The following TRIM69 variants were observed in gnomAD, a reference collection of about 807,000 sequenced individuals.
The protein encoded by TRIM69 is E3 ubiquitin-protein ligase TRIM69.
Under a neutral mutation model 37.7 loss-of-function variants are expected in TRIM69, and 29 were observed. The ratio of observed to expected loss-of-function variants is 0.77; its 90% CI spans 0.57 to 1.05. The LOEUF is 1.05. Among genes scored for constraint, TRIM69 ranks in the 50% least tolerant of loss-of-function variants. The probability of loss-of-function intolerance (pLI) is 0.00; values close to 1 mark genes in which losing one functional copy is unlikely to be tolerated. For missense variants in TRIM69, 596 were observed against 579.9 expected (o/e 1.03, Z -0.28); for synonymous variants, 209 against 212.4 (o/e 0.98, Z 0.14).
chr15:44,755,367 T>A lies in TRIM69; in HGVS notation c.474T>A (p.His158Gln). The A allele has an allele frequency of 6.2e-7, 1 of 1,612,310 alleles. No homozygotes were observed. Among genetic ancestry groups the A allele is most frequent in the African/African-American group, 1.3e-5 (1 of 75,016 alleles). Residue 158 changes from histidine to glutamine, a missense_variant, in exon 2 of 7, where the codon CAT (histidine) becomes CAA (glutamine). Transcript: ENST00000329464. The stretch of plus-strand genomic sequence containing the variant: ...TCCTGCAAATCTCTGATGCTGTCCA[T>A]TTCTTCACGGTGGGTGAGCCCTGGG... ...KEFLQISDAVHFFTEELAIQQ... is the reference protein window; with the variant it reads ...KEFLQISDAVQFFTEELAIQQ...
At position 44,754,964 on chromosome 15, in the gene TRIM69, C is replaced by T. The variant is rs757925653; in HGVS notation, c.71C>T (p.Thr24Ile). 1 of 1,614,144 alleles carries T rather than the reference C, an allele frequency of 6.2e-7. No homozygotes were observed. The highest frequency in any genetic ancestry group is 1.7e-5 in the Admixed American group (1 of 60,026). ...TATGTTGAAATGAATGATTCAATCACCCACCTACCCTCTAAAGTGGTGATA... is the reference window on the plus strand; with the variant it reads ...TATGTTGAAATGAATGATTCAATCATCCACCTACCCTCTAAAGTGGTGATA... ...GDYVEMNDSI[T>I]HLPSKVVIQD... is the part of the protein sequence containing the mutation. Residue 24 changes from threonine (T) to isoleucine (I), a missense_variant, in exon 2 of 7, where the codon ACC becomes ATC. By Grantham distance (89) the Thr-to-Ile change is moderately conservative. Coordinates refer to ENST00000329464, the MANE Select transcript of TRIM69 (RefSeq NM_182985.5).
intron 1 of TRIM69, among the ~76,000 whole-genome samples, chr15:44,749,465 A>G (rs543947743): frequency 1.1e-4 from 17 of 152,310 alleles, no homozygotes; most frequent in African/African-American, 2.4e-4. Flanking sequence ...TATATTTGAT[A>G]TAAATGGAAT....
At chr15:44,767,080 A>AAAAAAAAAAAAAAAAC (rs2087908795) in intron 6 of TRIM69, 151 bp from the exon 7 acceptor site, 1 of 388,974 alleles carries the variant, frequency 2.6e-6, no homozygotes, top group Non-Finnish European at 4.5e-6. Context: ...AAAAAAAAAA[A>AAAAAAAAAAAAAAAAC]AAAAGCATAT....
At chr15:44,741,628 A>G (rs1312925963) in intron 1 of TRIM69, among the ~76,000 whole-genome samples, 1 of 152,246 alleles carries the variant, frequency 6.6e-6, no homozygotes, top group African/African-American at 2.4e-5. Context: ...AGAATGATAA[A>G]GGGGATATCA....
chr15:44,737,884 A>G (rs1289348246), intron 1 of TRIM69, among the ~76,000 whole-genome samples: 3 of 152,158 alleles, frequency 2.0e-5, no homozygotes, highest in Non-Finnish European at 4.4e-5. Context: ...TATCTTAACT[A>G]TGATTTCAAA....
At chr15:44,738,050 C>CTTTTTTTTTTTTTTTTT (rs772041054) in intron 1 of TRIM69, among the ~76,000 whole-genome samples, 4 of 118,020 alleles carry the variant, frequency 3.4e-5, no homozygotes, top group African/African-American at 1.3e-4. Context: ...TACTTTCTTT[C>CTTTTTTTTTTTTTTTTT]TTTCTTTTTT....
At position 44,759,596 on chromosome 15, in the gene TRIM69, T is replaced by C. The variant is rs200726254; in HGVS notation, c.814-44T>C. On this transcript the variant is annotated intron_variant, in intron 4 of 6. Transcript: ENST00000329464. ...GGTATCACCAAAGAAATTTTGAGAG[T>C]TGATGAACGGGCATCTGATGTCTCT... 511 of 1,605,552 alleles carry C rather than the reference T, an allele frequency of 3.2e-4. No individual in the cohort carries two copies. The African/African-American group carries it at 5.9e-3, about 19-fold the overall frequency.
At chr15:44,740,340 G>A (rs902700804) in intron 1 of TRIM69, among the ~76,000 whole-genome samples, 3 of 152,212 alleles carry the variant, frequency 2.0e-5, no homozygotes, top group African/African-American at 4.8e-5. Context: ...TCCTCCAAAG[G>A]AACGCAGTTC....
intron 2 of TRIM69, 44 bp from the exon 3 acceptor site, chr15:44,756,324 C>T (rs1369755455): frequency 7.3e-6 from 10 of 1,377,180 alleles, no homozygotes; most frequent in Non-Finnish European, 1.0e-5. Context: ...TATGGTCCTT[C>T]ATCTCCCGAG....
chr15:44,748,594 G>A (rs958227447), intron 1 of TRIM69, among the ~76,000 whole-genome samples: 1 of 151,942 alleles, frequency 6.6e-6, no homozygotes, highest in African/African-American at 2.4e-5. Flanking sequence ...GGAGGCCAAG[G>A]TGGGTGGATC....
intron 1 of TRIM69, among the ~76,000 whole-genome samples, chr15:44,741,390 C>T (rs2087282401): frequency 1.3e-5 from 2 of 152,080 alleles, no homozygotes; most frequent in Non-Finnish European, 2.9e-5. Context: ...GACACCCTAA[C>T]ATCACAATTA....
chr15:44,740,908 G>A (rs530349602), intron 1 of TRIM69, among the ~76,000 whole-genome samples: 21 of 151,980 alleles, frequency 1.4e-4, no homozygotes, highest in Admixed American at 3.9e-4. Flanking sequence ...GCAGATCAAC[G>A]AGACAGAAAG....
At chr15:44,761,108 C>T (rs1393580559) in intron 6 of TRIM69, among the ~76,000 whole-genome samples, 7 of 152,036 alleles carry the variant, frequency 4.6e-5, no homozygotes, top group South Asian at 2.1e-4. Context: ...TCAGTAGAGA[C>T]GGGGTTTCAC....
intron 1 of TRIM69, among the ~76,000 whole-genome samples, chr15:44,746,252 G>C (rs1345023605): frequency 1.3e-5 from 2 of 152,120 alleles, no homozygotes; most frequent in African/African-American, 2.4e-5. Context: ...TTTTGTATCT[G>C]GCCAAACTAT....
Position 44,756,187 on chromosome 15 carries a change from C to T in TRIM69, c.484-181C>T, listed in dbSNP as rs543986695. Among the ~76,000 whole-genome samples, 38 of 152,232 alleles carry T rather than the reference C, an allele frequency of 2.5e-4. No individual in the cohort carries two copies. The East Asian group carries it at 2.7e-3, about 11-fold the overall frequency. ...GATTACAGATGTGAGCTGCCACACC[C>T]GGCCTTTTCTTTTCTTTTTCACAAT... On this transcript the variant is annotated intron_variant, in intron 2 of 6. Coordinates refer to ENST00000329464, the MANE Select transcript of TRIM69 (RefSeq NM_182985.5).
At chr15:44,742,101 T>C (rs1488529984) in intron 1 of TRIM69, among the ~76,000 whole-genome samples, 2 of 151,262 alleles carry the variant, frequency 1.3e-5, no homozygotes, top group African/African-American at 4.9e-5. Flanking sequence ...CAGCAGCACA[T>C]CAAAAAGCTT....
At position 44,736,722 on chromosome 15, in the gene TRIM69, T is replaced by TA. The variant is rs534974986; in HGVS notation, c.6+12_6+13insA. 7.6e-5 allele frequency: 66 copies of TA among 863,404 alleles called. No individual in the cohort carries two copies. The highest frequency in any genetic ancestry group is 9.8e-5 in the Non-Finnish European group (64 of 654,438). The allele number at this position is 863,404 out of a possible 1,614,324, so 53.5% of individuals were successfully genotyped here. A position where few individuals can be genotyped will look rare whatever the true frequency, so the allele number is the denominator to read the frequency against. On this transcript the variant is annotated intron_variant, in intron 1 of 6. Coordinates refer to ENST00000329464, the MANE Select transcript of TRIM69 (RefSeq NM_182985.5). ...GAAGCTTCATGGAGGTGAGTGACCC[T>TA]TTTTTTTTTTAACTTAGCAGGGCTT...
intron 1 of TRIM69, among the ~76,000 whole-genome samples, chr15:44,740,307 T>G (rs1205824281): frequency 1.3e-5 from 2 of 152,098 alleles, no homozygotes; most frequent in African/African-American, 4.8e-5. Flanking sequence ...AACTGGAAAC[T>G]CTAAAAAGCA....
At chr15:44,754,814 G>C (rs2087608016) in intron 1 of TRIM69, 86 bp from the exon 2 acceptor site, 1 of 985,014 alleles carries the variant, frequency 1.0e-6, no homozygotes, top group South Asian at 1.6e-5. Context: ...CCAATTTTCA[G>C]CTCCTTTAGG....
Sources: allele counts gnomAD v4.1 joint callset (sites outside exome capture counted in the v4.1 genomes callset), GRCh38; gene constraint gnomAD v4.1.1; transcripts MANE v1.5; gene names NCBI Gene and HGNC (gene_info 2026-07-23, HGNC 2026-07-21).